The following XPNPEP1 variants were observed in gnomAD, a reference collection of about 807,000 sequenced individuals.
The protein encoded by XPNPEP1 is xaa-Pro aminopeptidase 1.
Under a neutral mutation model 92.4 loss-of-function variants are expected in XPNPEP1, and 39 were observed. That is an observed-to-expected ratio of 0.42 (90% CI 0.33 to 0.55). The LOEUF (loss-of-function observed/expected upper bound fraction) is 0.55. Ranked by LOEUF, XPNPEP1 falls within the 20% of genes least tolerant of loss-of-function variation. XPNPEP1 has a pLI of 0.08. For synonymous variants in XPNPEP1, 307 were observed against 299.4 expected (o/e 1.03, Z -0.26); for missense variants, 654 against 856.1 (o/e 0.76, Z 2.95).
At chr10:109,910,336 G>C (rs1849798212) in intron 2 of XPNPEP1, among the ~76,000 whole-genome samples, 3 of 152,106 alleles carry the variant, frequency 2.0e-5, no homozygotes, top group Non-Finnish European at 4.4e-5. Context: ...CCTGAGGTTG[G>C]GAGCTCAAGA....
intron 1 of XPNPEP1, among the ~76,000 whole-genome samples, chr10:109,919,285 T>G (rs928337847): frequency 6.6e-6 from 1 of 152,126 alleles, no homozygotes; most frequent in Non-Finnish European, 1.5e-5. Context: ...AACTCAACAA[T>G]AAAAAGACAT....
chr10:109,907,751 G>C lies in XPNPEP1; in HGVS notation c.186C>G (p.Asn62Lys). ...GGATCGGTTCGGTCACATACTCAGA[G>C]TTCCTCATGGCTTGTCTCAGCTGCC... is the stretch of plus-strand genomic sequence containing the variant. Reference protein sequence around the residue: ...LLRQLRQAMRNSEYVTEPIQA... With the variant: ...LLRQLRQAMRKSEYVTEPIQA... The change falls in exon 3 of 21, where the codon AAC becomes AAG. Residue 62 changes from asparagine (N) to lysine (K), a missense_variant. Coordinates refer to ENST00000502935, the MANE Select transcript of XPNPEP1 (RefSeq NM_020383.4). The C allele has an allele frequency of 2.5e-6, 4 of 1,614,248 alleles. No individual in the cohort carries two copies. The highest frequency in any genetic ancestry group is 3.4e-6 in the Non-Finnish European group (4 of 1,180,050).
At position 109,877,992 on chromosome 10, in the gene XPNPEP1, A is replaced by ATCCT. The variant is rs1226197533; in HGVS notation, c.1241+4_1241+7dup. ...GAGGCTCCTGGGTCCCCCCAAATGG[A>ATCCT]TCCTTACCTGCGAAACTCCTCAGCT... is the stretch of plus-strand genomic sequence containing the variant. On this transcript the variant is annotated splice_region_variant and intron_variant, in intron 13 of 20. Transcript: ENST00000502935. 2 of 1,614,082 alleles carry ATCCT rather than the reference A, an allele frequency of 1.2e-6. No homozygotes were observed. The highest frequency in any genetic ancestry group is 1.7e-6 in the Non-Finnish European group (2 of 1,180,030).
chr10:109,883,165 T>G (rs992628990), intron 9 of XPNPEP1, among the ~76,000 whole-genome samples: 1 of 152,172 alleles, frequency 6.6e-6, no homozygotes, highest in African/African-American at 2.4e-5. Context: ...CCACAAGGCC[T>G]CTCTTTTCTG....
intron 3 of XPNPEP1, among the ~76,000 whole-genome samples, chr10:109,899,602 C>A (rs1218888779): frequency 6.6e-6 from 1 of 152,224 alleles, no homozygotes; most frequent in Non-Finnish European, 1.5e-5. Flanking sequence ...ATTAACCCCA[C>A]CCCAAGAGAA....
At chr10:109,902,975 T>C (rs1302902947) in intron 3 of XPNPEP1, among the ~76,000 whole-genome samples, 1 of 152,200 alleles carries the variant, frequency 6.6e-6, no homozygotes, top group Admixed American at 6.5e-5. Flanking sequence ...CCACACCTAC[T>C]GTCAAAGATA....
At chr10:109,876,567 G>A (rs1356957167) in intron 14 of XPNPEP1, 1 of 152,246 alleles carries the variant, frequency 6.6e-6, no homozygotes, top group Non-Finnish European at 1.5e-5. Flanking sequence ...AACAAAAACT[G>A]AAGTCCCTCT....
chr10:109,899,833 G>A (rs1282945088), intron 3 of XPNPEP1, among the ~76,000 whole-genome samples: 2 of 152,206 alleles, frequency 1.3e-5, no homozygotes, highest in Non-Finnish European at 2.9e-5. Context: ...GGAGGATGAG[G>A]AATCAAGATT....
intron 8 of XPNPEP1, among the ~76,000 whole-genome samples, chr10:109,885,337 A>G (rs1169704710): frequency 6.6e-6 from 1 of 152,242 alleles, no homozygotes; most frequent in Non-Finnish European, 1.5e-5. Flanking sequence ...ATATATGCAT[A>G]GAATATTGAC....
intron 18 of XPNPEP1, 81 bp downstream of exon 18, chr10:109,870,650 T>C: frequency 6.7e-7 from 1 of 1,499,018 alleles, no homozygotes; most frequent in South Asian, 1.4e-5. Flanking sequence ...TACTTTAAAC[T>C]AATTAAAAAA....
intron 7 of XPNPEP1, 131 bp downstream of exon 7, chr10:109,887,918 G>T: frequency 7.8e-7 from 1 of 1,278,410 alleles, no homozygotes; most frequent in Non-Finnish European, 1.0e-6. Context: ...ATATCCCACT[G>T]GGGCAGAGTA....
intron 3 of XPNPEP1, among the ~76,000 whole-genome samples, chr10:109,898,326 C>T (rs1243459964): frequency 1.3e-5 from 2 of 152,188 alleles, no homozygotes; most frequent in African/African-American, 2.4e-5. Context: ...TGAACTGCAC[C>T]GAGCTTGACT....
intron 1 of XPNPEP1, among the ~76,000 whole-genome samples, chr10:109,917,127 C>T (rs1241910463): frequency 6.7e-6 from 1 of 150,280 alleles, no homozygotes; most frequent in Non-Finnish European, 1.5e-5. Flanking sequence ...ACCAGAAGTT[C>T]TATCTAGGGT....
At chr10:109,891,906 G>A (rs1279491236) in intron 4 of XPNPEP1, 80 bp from the exon 5 acceptor site, 2 of 1,409,218 alleles carry the variant, frequency 1.4e-6, no homozygotes, top group Non-Finnish European at 2.0e-6. Context: ...ACAGTAGACA[G>A]GCAAGAGCAG....
intron 5 of XPNPEP1, among the ~76,000 whole-genome samples, chr10:109,890,550 T>TTG (rs768880431): frequency 0.05 from 5,072 of 102,250 alleles, 119 homozygotes; most frequent in African/African-American, 0.071. Flanking sequence ...ATGCCTGCCT[T>TTG]TGTGTGTGTG....
chr10:109,869,964 C>T lies in XPNPEP1; in HGVS notation c.1762G>A (p.Val588Met). Residue 588 changes from valine (V) to methionine (M), a missense_variant, in exon 19 of 21, where the codon GTG becomes ATG. Transcript: ENST00000502935. ...TAATAAATCCTCACCTTGGTCTTCACAGGAACCACAAGGACAACATTCTCA... is the reference window on the plus strand; with the variant it reads ...TAATAAATCCTCACCTTGGTCTTCATAGGAACCACAAGGACAACATTCTCA... Reference protein sequence around the residue: ...RIENVVLVVPVKTKYNFNNRG... With the variant: ...RIENVVLVVPMKTKYNFNNRG... The T allele has an allele frequency of 6.2e-7, 1 of 1,614,112 alleles. No homozygotes were observed. The highest frequency in any genetic ancestry group is 8.5e-7 in the Non-Finnish European group (1 of 1,179,992).
chr10:109,911,064 C>T (rs1434175677), intron 2 of XPNPEP1, among the ~76,000 whole-genome samples: 1 of 152,200 alleles, frequency 6.6e-6, no homozygotes, highest in African/African-American at 2.4e-5. Context: ...CAATAGAATC[C>T]CCTATGGGGT....
chr10:109,888,594 A>C lies in XPNPEP1; in HGVS notation c.417T>G (p.Gly139=), dbSNP rs947000418. ...CTTCCTGAGTTGGTGTGTCCTTCAGACCTACAGGGGGAAGAAATGATAAGA... is the reference window on the plus strand; with the variant it reads ...CTTCCTGAGTTGGTGTGTCCTTCAGCCCTACAGGGGGAAGAAATGATAAGA... ...MDSNWTLMKM[G]LKDTPTQEDW... The change falls in exon 6 of 21, where the codon GGT becomes GGG. Residue 139 remains glycine, a splice_region_variant and synonymous_variant. Transcript: ENST00000502935. The C allele has an allele frequency of 1.3e-6, 2 of 1,599,172 alleles. No homozygotes were observed. The highest frequency in any genetic ancestry group is 1.3e-5 in the African/African-American group (1 of 74,748).
At chr10:109,910,139 C>A (rs1849784690) in intron 2 of XPNPEP1, among the ~76,000 whole-genome samples, 1 of 152,334 alleles carries the variant, frequency 6.6e-6, no homozygotes, top group South Asian at 2.1e-4. Flanking sequence ...CTCCTCTAAC[C>A]CGACAATAAC....
Sources: gnomAD v4.1 joint callset for allele counts (sites outside exome capture counted in the v4.1 genomes callset) on GRCh38, gnomAD v4.1.1 for gene constraint, MANE v1.5 for transcripts, NCBI Gene and HGNC (gene_info 2026-07-23, HGNC 2026-07-21) for gene names.